The following CABCOCO1 variants were observed in gnomAD, a reference collection of about 807,000 sequenced individuals.
CABCOCO1 encodes the protein ciliary-associated calcium-binding coiled-coil protein 1.
A neutral mutation model predicts 35.7 loss-of-function variants in CABCOCO1; 28 were observed. The ratio of observed to expected loss-of-function variants is 0.78; its 90% CI spans 0.58 to 1.07. The LOEUF (loss-of-function observed/expected upper bound fraction) is 1.07. Among genes scored for constraint, CABCOCO1 ranks in the 50% least tolerant of loss-of-function variants. The pLI, the probability that CABCOCO1 is intolerant of heterozygous loss-of-function variation, is 0.00. For missense variants in CABCOCO1, 326 were observed against 309.2 expected (o/e 1.05, Z -0.41); for synonymous variants, 95 against 100.1 (o/e 0.95, Z 0.30).
At chr10:61,707,249 C>T (rs923899155) in intron 5 of CABCOCO1, among the ~76,000 whole-genome samples, 1 of 151,976 alleles carries the variant, frequency 6.6e-6, no homozygotes, top group Non-Finnish European at 1.5e-5. Context: ...GTTAGGCAGG[C>T]GAATGTGTTG....
chr10:61,689,631 A>T (rs1022771107), intron 4 of CABCOCO1, among the ~76,000 whole-genome samples: 11 of 152,190 alleles, frequency 7.2e-5, no homozygotes, highest in African/African-American at 2.4e-4. Flanking sequence ...TGCAAATGTT[A>T]ATTTCTCAGT....
intron 5 of CABCOCO1, among the ~76,000 whole-genome samples, chr10:61,732,011 T>C (rs376209371): frequency 6.6e-6 from 1 of 152,064 alleles, no homozygotes; most frequent in Non-Finnish European, 1.5e-5. Flanking sequence ...ATTCCAGATT[T>C]TAAAGCAAAA....
In CABCOCO1 at chr10:61,766,204, T is replaced by C. The variant is rs1165010395; in HGVS notation, c.*191T>C. 1 of 472,242 alleles carries C rather than the reference T, an allele frequency of 2.1e-6. No homozygotes were observed. The highest frequency in any genetic ancestry group is 3.2e-4 in the Middle Eastern group (1 of 3,144). 29.3% of individuals were successfully genotyped at this position (472,242 alleles called of 1,614,324 possible). A position where few individuals can be genotyped will look rare whatever the true frequency, so the allele number is the denominator to read the frequency against. Reference sequence around the variant, plus strand: ...TGCTATCTCCCATCCCATAACAGCCTCTGAATTTATTGCACCAAGTGTAAT... The same window carrying C: ...TGCTATCTCCCATCCCATAACAGCCCCTGAATTTATTGCACCAAGTGTAAT... On this transcript the variant is annotated 3_prime_UTR_variant, in exon 8 of 8. Transcript: ENST00000648843.
rs564965946 is a variant in CABCOCO1, at chr10:61,719,645, G to A, written c.552+29024G>A. ...TAATTAAGAGTGGTGTCATCGGGCC[G>A]GCGCAGTGGCTCATGCCTGTAATCC... On this transcript the variant is annotated intron_variant, in intron 5 of 7. Coordinates refer to ENST00000648843, the MANE Select transcript of CABCOCO1 (RefSeq NM_001366906.2). 1.2e-4 allele frequency among the ~76,000 whole-genome samples: 19 copies of A among 152,160 alleles called. 1 individual carries two copies. The South Asian group carries it at 3.5e-3, about 28-fold the overall frequency.
At chr10:61,691,973 T>C (rs1168242335) in intron 5 of CABCOCO1, among the ~76,000 whole-genome samples, 1 of 152,210 alleles carries the variant, frequency 6.6e-6, no homozygotes, top group African/African-American at 2.4e-5. Context: ...TGTATCTTTA[T>C]AGTAGAATGA....
intron 5 of CABCOCO1, among the ~76,000 whole-genome samples, chr10:61,740,461 A>C (rs1841525411): frequency 6.6e-6 from 1 of 152,230 alleles, no homozygotes; most frequent in South Asian, 2.1e-4. Flanking sequence ...GCTGTGTAGA[A>C]AGCTATTCAA....
At chr10:61,680,606 A>AT (rs377531586) in intron 2 of CABCOCO1, among the ~76,000 whole-genome samples, 10 of 17,216 alleles carry the variant, frequency 5.8e-4, no homozygotes, top group African/African-American at 1.4e-3. Context: ...ATACATGTAT[A>AT]ACATGTTATA....
chr10:61,751,675 A>G (rs1424383494), intron 5 of CABCOCO1, among the ~76,000 whole-genome samples: 1 of 152,224 alleles, frequency 6.6e-6, no homozygotes, highest in Non-Finnish European at 1.5e-5. Context: ...CTACACAGGC[A>G]AGCAACTTTG....
At chr10:61,674,682 C>A (rs1839456971) in intron 2 of CABCOCO1, among the ~76,000 whole-genome samples, 1 of 152,160 alleles carries the variant, frequency 6.6e-6, no homozygotes, top group South Asian at 2.1e-4. Flanking sequence ...GAAATCAGCA[C>A]ATTTCCCTAC....
chr10:61,718,007 C>A (rs1267086311), intron 5 of CABCOCO1, among the ~76,000 whole-genome samples: 2 of 152,136 alleles, frequency 1.3e-5, no homozygotes, highest in Non-Finnish European at 2.9e-5. Context: ...TAGATTATGA[C>A]AAGCTCTGAA....
At chr10:61,699,856 TTA>T (rs985984986) in intron 5 of CABCOCO1, among the ~76,000 whole-genome samples, 11 of 152,272 alleles carry the variant, frequency 7.2e-5, no homozygotes, top group Admixed American at 7.2e-4. Context: ...GTAACTGACA[TTA>T]TTGTTTCTCC....
At chr10:61,684,977 G>A (rs547765425) in intron 3 of CABCOCO1, 10 of 152,258 alleles carry the variant, frequency 6.6e-5, no homozygotes, top group African/African-American at 2.2e-4. Flanking sequence ...CACAGAAGAC[G>A]GTTTCGGGTG....
intron 5 of CABCOCO1, among the ~76,000 whole-genome samples, chr10:61,734,477 T>C (rs1310168490): frequency 6.6e-6 from 1 of 151,004 alleles, no homozygotes; most frequent in African/African-American, 2.4e-5. Context: ...TTAAGAATCA[T>C]AGAACCTAAT....
At chr10:61,697,290 A>G (rs1840321560) in intron 5 of CABCOCO1, among the ~76,000 whole-genome samples, 1 of 152,096 alleles carries the variant, frequency 6.6e-6, no homozygotes, top group South Asian at 2.1e-4. Flanking sequence ...GTACTCAATA[A>G]ATACTTGTTG....
At chr10:61,679,675 A>G (rs889379837) in intron 2 of CABCOCO1, among the ~76,000 whole-genome samples, 1 of 152,204 alleles carries the variant, frequency 6.6e-6, no homozygotes, top group Non-Finnish European at 1.5e-5. Flanking sequence ...TCATCCAAAG[A>G]TAAGGTGGTA....
intron 5 of CABCOCO1, among the ~76,000 whole-genome samples, chr10:61,750,885 G>A (rs1200291375): frequency 6.6e-6 from 1 of 152,208 alleles, no homozygotes; most frequent in Non-Finnish European, 1.5e-5. Context: ...GCCTGAGCTA[G>A]GGGTCCTTAA....
At chr10:61,680,588 C>CATATT in intron 2 of CABCOCO1, among the ~76,000 whole-genome samples, 1 of 56,114 alleles carries the variant, frequency 1.8e-5, no homozygotes. Flanking sequence ...TTATATATAA[C>CATATT]ATATGTTATA....
chr10:61,717,744 G>C (rs553075460), intron 5 of CABCOCO1, among the ~76,000 whole-genome samples: 48 of 152,114 alleles, frequency 3.2e-4, no homozygotes, highest in African/African-American at 1.2e-3. Context: ...GAATCACTTC[G>C]GAATATAACA....
intron 5 of CABCOCO1, among the ~76,000 whole-genome samples, chr10:61,716,780 A>T (rs1234108459): frequency 1.3e-5 from 2 of 152,136 alleles, no homozygotes; most frequent in African/African-American, 2.4e-5. Flanking sequence ...ACCTCTCTCA[A>T]ACTGCCTTGC....
Sources: allele counts gnomAD v4.1 joint callset (sites outside exome capture counted in the v4.1 genomes callset), GRCh38; gene constraint gnomAD v4.1.1; transcripts MANE v1.5; gene names NCBI Gene and HGNC (gene_info 2026-07-23, HGNC 2026-07-21).